Variants in LRP1B observed in about 807,000 individuals in gnomAD.
The protein encoded by LRP1B is low-density lipoprotein receptor-related protein 1B.
Under a neutral mutation model 556.6 loss-of-function variants are expected in LRP1B, and 217 were observed. That is an observed-to-expected ratio of 0.39 (90% confidence interval 0.35 to 0.44). The LOEUF (loss-of-function observed/expected upper bound fraction) is 0.44, where lower values mean the gene tolerates loss of function less well. LRP1B is among the 20% of genes least tolerant of loss of function. LRP1B has a pLI of 1.00. For missense variants in LRP1B, 5,053 were observed against 5,620.8 expected (o/e 0.90, Z 3.23); for synonymous variants, 2,047 against 1,865.8 (o/e 1.10, Z -2.50).
At position 140,654,656 on chromosome 2, in the gene LRP1B, C is replaced by T. The variant is rs969586698; in HGVS notation, c.6799+45594G>A. Among the ~76,000 whole-genome samples the T allele has an allele frequency of 2.6e-5, 4 of 151,906 alleles. No individual in the cohort carries two copies. The South Asian group carries it at 6.2e-4, about 24-fold the overall frequency. ...CTAATTCAGAAGATTTTTTTTTCCC[C>T]GATAACACAGACTGACACTATAGAT... On this transcript the variant is annotated intron_variant, in intron 41 of 90. Transcript: ENST00000389484.
intron 43 of LRP1B, among the ~76,000 whole-genome samples, chr2:140,556,674 C>T (rs1680745739): frequency 1.3e-5 from 2 of 152,070 alleles, no homozygotes; most frequent in African/African-American, 2.4e-5. Context: ...TTCGTCCCTA[C>T]ATCTGTTTGA....
At chr2:141,954,092 C>A (rs1436608722) in intron 1 of LRP1B, among the ~76,000 whole-genome samples, 1 of 152,106 alleles carries the variant, frequency 6.6e-6, no homozygotes, top group Non-Finnish European at 1.5e-5. Context: ...GAAAGTCAAG[C>A]CTTACCTTCA....
chr2:141,968,290 T>C (rs979776799), intron 1 of LRP1B, among the ~76,000 whole-genome samples: 1 of 151,884 alleles, frequency 6.6e-6, no homozygotes, highest in Non-Finnish European at 1.5e-5. Flanking sequence ...TTTTGCAATT[T>C]TCATGATTAA....
At chr2:141,541,677 C>T (rs1685265974) in intron 2 of LRP1B, among the ~76,000 whole-genome samples, 1 of 151,958 alleles carries the variant, frequency 6.6e-6, no homozygotes, top group Non-Finnish European at 1.5e-5. Context: ...TTATTCTTTG[C>T]AATCTATAAA....
intron 18 of LRP1B, among the ~76,000 whole-genome samples, chr2:140,979,024 G>C (rs148894049): frequency 0.021 from 3,136 of 152,170 alleles, 46 homozygotes; most frequent in Non-Finnish European, 0.029. Context: ...TGCCACCCAG[G>C]CTGGAGTGGA....
intron 81 of LRP1B, 29 bp from the exon 82 acceptor site, chr2:140,322,117 G>A (rs1392992827): frequency 1.3e-6 from 2 of 1,598,588 alleles, no homozygotes; most frequent in South Asian, 2.2e-5. Context: ...ACAAAGAAGT[G>A]TGTAAATATA....
chr2:140,976,503 C>CTTT (rs1216208854), intron 18 of LRP1B, among the ~76,000 whole-genome samples: 52 of 105,356 alleles, frequency 4.9e-4, no homozygotes, highest in African/African-American at 7.5e-4. Flanking sequence ...TTTTTTTTTC[C>CTTT]TTTTTTTTTT....
At position 140,514,628 on chromosome 2, in the gene LRP1B, T is replaced by G. The variant is rs765723462; in HGVS notation, c.8269+25A>C. ...GCATATATAATGCTTAAAAACTGAT[T>G]GAGGACAGAAGATACACAACTTACC... On this transcript the variant is annotated intron_variant, in intron 51 of 90. Coordinates refer to ENST00000389484, the MANE Select transcript of LRP1B (RefSeq NM_018557.3). 12 of 1,589,946 alleles carry G rather than the reference T, an allele frequency of 7.5e-6. 1 individual carries two copies. The South Asian group carries it at 1.3e-4, about 17-fold the overall frequency.
chr2:140,728,589 C>T (rs544269770), intron 35 of LRP1B, among the ~76,000 whole-genome samples: 11 of 152,116 alleles, frequency 7.2e-5, no homozygotes, highest in South Asian at 4.1e-4. Flanking sequence ...CTCAAACGTT[C>T]GGTTTCTAAA....
Position 141,169,843 on chromosome 2 carries a change from C to T in LRP1B, c.1013+18578G>A, listed in dbSNP as rs1028453772. On this transcript the variant is annotated intron_variant, in intron 7 of 90. Transcript: ENST00000389484. ...AAAAGAATAGAATTAAAATCTGCTA[C>T]TTTTGCTCATGATGTTATTGATAGC... Among the ~76,000 whole-genome samples, 67 of 147,842 alleles carry T rather than the reference C, an allele frequency of 4.5e-4. 1 individual carries two copies. Among genetic ancestry groups the T allele is most frequent in the Admixed American group, 1.1e-3 (16 of 14,854 alleles).
chr2:141,905,682 T>C (rs7557232), intron 1 of LRP1B, among the ~76,000 whole-genome samples: 11,437 of 151,428 alleles, frequency 0.076, 1,448 homozygotes, highest in African/African-American at 0.26. Context: ...AATACTTAAG[T>C]AGAATGCTTC....
At chr2:141,875,252 C>T (rs1698718463) in intron 1 of LRP1B, among the ~76,000 whole-genome samples, 1 of 151,668 alleles carries the variant, frequency 6.6e-6, no homozygotes. Flanking sequence ...TGAAGTGATT[C>T]TCCTTCCTTG....
chr2:141,147,322 C>G (rs1701809992), intron 7 of LRP1B, among the ~76,000 whole-genome samples: 1 of 152,070 alleles, frequency 6.6e-6, no homozygotes, highest in African/African-American at 2.4e-5. Flanking sequence ...AATTCTTAAA[C>G]CATGTGAGGT....
chr2:141,826,302 A>G (rs756051804), intron 1 of LRP1B, among the ~76,000 whole-genome samples: 11 of 150,830 alleles, frequency 7.3e-5, no homozygotes, highest in Non-Finnish European at 1.3e-4. Flanking sequence ...TATATAATAC[A>G]TTTAATAAGG....
At chr2:141,068,256 A>G (rs1699535573) in intron 7 of LRP1B, among the ~76,000 whole-genome samples, 1 of 152,004 alleles carries the variant, frequency 6.6e-6, no homozygotes, top group Non-Finnish European at 1.5e-5. Context: ...CAGACATACA[A>G]GTGGGTTTAG....
chr2:140,528,157 C>T (rs1413192550), intron 47 of LRP1B, among the ~76,000 whole-genome samples: 2 of 151,864 alleles, frequency 1.3e-5, no homozygotes, highest in Non-Finnish European at 2.9e-5. Flanking sequence ...AATGGCATTT[C>T]AGACAGTCAA....
intron 2 of LRP1B, among the ~76,000 whole-genome samples, chr2:141,685,555 C>A (rs139171572): frequency 6.4e-4 from 97 of 152,062 alleles, no homozygotes; most frequent in African/African-American, 2.3e-3. Context: ...AGGAATTTTA[C>A]AAATGAGATT....
At chr2:140,345,438 C>G (rs56325694) in intron 77 of LRP1B, among the ~76,000 whole-genome samples, 6,408 of 151,478 alleles carry the variant, frequency 0.042, 196 homozygotes, top group Non-Finnish European at 0.064. Context: ...TTTATTTTCT[C>G]TTAATGCACT....
intron 35 of LRP1B, among the ~76,000 whole-genome samples, chr2:140,744,347 T>A (rs1688248837): frequency 6.6e-6 from 1 of 152,134 alleles, no homozygotes; most frequent in South Asian, 2.1e-4. Context: ...TAACAAAATT[T>A]CATGGAAAAT....
Sources: allele counts gnomAD v4.1 joint callset (sites outside exome capture counted in the v4.1 genomes callset), GRCh38; gene constraint gnomAD v4.1.1; transcripts MANE v1.5; gene names NCBI Gene and HGNC (gene_info 2026-07-23, HGNC 2026-07-21).